Variants in RFX7 observed in about 807,000 individuals in gnomAD.
RFX7 encodes the protein regulatory factor X7, also known as DNA-binding protein RFX7.
A neutral mutation model predicts 111.8 loss-of-function variants in RFX7; 26 were observed. The observed-to-expected ratio is 0.23, with a 90% confidence interval of 0.17 to 0.32. The LOEUF (loss-of-function observed/expected upper bound fraction) is 0.32, where lower values mean the gene tolerates loss of function less well. RFX7 is among the 10% of genes least tolerant of loss of function. The pLI is 1.00. For missense variants in RFX7, 1,573 were observed against 1,772.9 expected (o/e 0.89, Z 2.02); for synonymous variants, 624 against 624.4 (o/e 1.00, Z 0.01).
intron 2 of RFX7, among the ~76,000 whole-genome samples, chr15:56,224,144 CATTCACATTAAA>C (rs1307229047): frequency 6.6e-6 from 1 of 151,810 alleles, no homozygotes; most frequent in Non-Finnish European, 1.5e-5. Flanking sequence ...AAGTTGAAGG[CATTCACATTAAA>C]ATTTTTGTAA....
At chr15:56,164,230 G>C (rs2042757636) in intron 3 of RFX7, among the ~76,000 whole-genome samples, 1 of 152,142 alleles carries the variant, frequency 6.6e-6, no homozygotes, top group Admixed American at 6.5e-5. Flanking sequence ...ATCAGTGTGG[G>C]CCAAACAAAA....
chr15:56,174,545 G>A (rs1306104963), intron 3 of RFX7, among the ~76,000 whole-genome samples: 5 of 152,060 alleles, frequency 3.3e-5, no homozygotes, highest in South Asian at 4.2e-4. Flanking sequence ...TCAAGAGATC[G>A]AGACCATCCT....
Position 56,093,508 on chromosome 15 carries a change from T to C in RFX7, c.4220A>G (p.Asp1407Gly). Residue 1407 changes from aspartate to glycine, a missense_variant, in exon 10 of 10, where the codon GAT becomes GGT. Transcript: ENST00000559447. The part of the protein sequence containing the change: ...LNTLDPNLLF[D>G]PGRQQGQDDE... ...ATCTTGTCCCTGCTGACGACCTGGA[T>C]CAAACAGTAGATTTGGGTCTAAAGT... is the stretch of plus-strand genomic sequence containing the variant. The C allele has an allele frequency of 6.2e-7, 1 of 1,613,908 alleles. No homozygotes were observed. Among genetic ancestry groups the C allele is most frequent in the East Asian group, 2.2e-5 (1 of 44,870 alleles).
chr15:56,190,611 A>T (rs2043090335), intron 2 of RFX7, among the ~76,000 whole-genome samples: 1 of 152,228 alleles, frequency 6.6e-6, no homozygotes, highest in African/African-American at 2.4e-5. Context: ...TTCTTAAAAA[A>T]ATATGATTCC....
rs549607507 is a variant in RFX7 at position 56,225,993 on chromosome 15, A to C, written c.161+17132T>G. On this transcript the variant is annotated intron_variant, in intron 2 of 9. Coordinates refer to ENST00000559447, the MANE Select transcript of RFX7 (RefSeq NM_022841.7). Reference sequence around the variant, plus strand: ...GGGAGAGGAAGTGGAAGACAGAGAAAAAATATAAAAAGAGGACGGGAAAAG... The same window carrying C: ...GGGAGAGGAAGTGGAAGACAGAGAACAAATATAAAAAGAGGACGGGAAAAG... 4.4e-4 allele frequency among the ~76,000 whole-genome samples: 67 copies of C among 152,240 alleles called. No individual in the cohort carries two copies. The South Asian group carries it at 0.013, about 30-fold the overall frequency.
rs570475324 is a variant in RFX7 at position 56,114,157 on chromosome 15, C to T, written c.402-10487G>A. Among the ~76,000 whole-genome samples the T allele has an allele frequency of 1.1e-4, 16 of 152,094 alleles. No individual in the cohort carries two copies. The South Asian group carries it at 1.5e-3, about 14-fold the overall frequency. Reference sequence around the variant, plus strand: ...TGGTGGCTCATGCCTGTATTCCTAGCGCTCTGGGAGGCCGAGGTGGGCGAC... The same window carrying T: ...TGGTGGCTCATGCCTGTATTCCTAGTGCTCTGGGAGGCCGAGGTGGGCGAC... On this transcript the variant is annotated intron_variant, in intron 5 of 9. Coordinates refer to ENST00000559447, the MANE Select transcript of RFX7 (RefSeq NM_022841.7).
At chr15:56,143,464 A>G (rs1466966808) in intron 4 of RFX7, among the ~76,000 whole-genome samples, 1 of 152,046 alleles carries the variant, frequency 6.6e-6, no homozygotes, top group Non-Finnish European at 1.5e-5. Context: ...CTGAACAGAC[A>G]AATCTCCCCC....
In RFX7 at chr15:56,088,354, A is replaced by G. The variant is rs545662870; in HGVS notation, c.*4991T>C. The G allele has an allele frequency of 6.5e-6, 1 of 153,072 alleles. No homozygotes were observed. The highest frequency in any genetic ancestry group is 6.5e-5 in the Admixed American group (1 of 15,316). 9.5% of individuals were successfully genotyped at this position (153,072 alleles called of 1,614,324 possible). Reference sequence around the variant, plus strand: ...ACCTGAAAAATAATACTCGCTAAAAATTGTTACAATGAGGACATGAGAATA... The same window carrying G: ...ACCTGAAAAATAATACTCGCTAAAAGTTGTTACAATGAGGACATGAGAATA... On this transcript the variant is annotated 3_prime_UTR_variant, in exon 10 of 10. Transcript: ENST00000559447.
chr15:56,101,661 A>C, intron 7 of RFX7, 95 bp from the exon 8 acceptor site: 1 of 1,151,522 alleles, frequency 8.7e-7, no homozygotes, highest in East Asian at 2.5e-5. Context: ...AGAAGATACA[A>C]TATAAATCTG....
At chr15:56,166,650 A>G (rs1376444006) in intron 3 of RFX7, among the ~76,000 whole-genome samples, 1 of 152,218 alleles carries the variant, frequency 6.6e-6, no homozygotes, top group Non-Finnish European at 1.5e-5. Context: ...CAGAGCAAAA[A>G]AATTTTGGAA....
intron 2 of RFX7, among the ~76,000 whole-genome samples, chr15:56,221,739 A>G (rs1183258588): frequency 9.9e-5 from 15 of 152,098 alleles, no homozygotes; most frequent in Admixed American, 8.5e-4. Flanking sequence ...TATATCCTTA[A>G]TCTATCACAG....
At chr15:56,238,561 A>G (rs574267944) in intron 2 of RFX7, among the ~76,000 whole-genome samples, 1 of 152,166 alleles carries the variant, frequency 6.6e-6, no homozygotes, top group African/African-American at 2.4e-5. Context: ...CTCTTTCCAT[A>G]AAGTGGGCAA....
intron 3 of RFX7, among the ~76,000 whole-genome samples, chr15:56,153,238 C>T (rs2042600261): frequency 6.6e-6 from 1 of 152,190 alleles, no homozygotes; most frequent in Admixed American, 6.5e-5. Flanking sequence ...GATACCAAAA[C>T]CTGGCAGAGA....
chr15:56,109,831 G>A (rs1216277511), intron 5 of RFX7, among the ~76,000 whole-genome samples: 1 of 152,042 alleles, frequency 6.6e-6, no homozygotes, highest in East Asian at 2.0e-4. Context: ...TCTGAGAAGT[G>A]AGGAGCCCCT....
At position 56,090,270 on chromosome 15, in the gene RFX7, T is replaced by C. The variant is rs1029025310; in HGVS notation, c.*3075A>G. 2 of 152,204 alleles carry C rather than the reference T, an allele frequency of 1.3e-5. No homozygotes were observed. Among genetic ancestry groups the C allele is most frequent in the African/African-American group, 4.8e-5 (2 of 41,460 alleles). The allele number at this position is 152,204 out of a possible 1,614,324, so 9.4% of individuals were successfully genotyped here. ...ACTATGTGAAAGAGAAAAAGATGGC[T>C]TTTTGGACAACATAAAGTTCTATGC... On this transcript the variant is annotated 3_prime_UTR_variant, in exon 10 of 10. Coordinates refer to ENST00000559447, the MANE Select transcript of RFX7 (RefSeq NM_022841.7).
intron 3 of RFX7, among the ~76,000 whole-genome samples, chr15:56,158,326 A>T (rs1304504103): frequency 6.6e-6 from 1 of 152,154 alleles, no homozygotes; most frequent in African/African-American, 2.4e-5. Flanking sequence ...AATGCTCATA[A>T]TTTTTGTGAT....
intron 3 of RFX7, among the ~76,000 whole-genome samples, chr15:56,176,972 C>T (rs1282541515): frequency 2.0e-5 from 3 of 151,840 alleles, no homozygotes; most frequent in African/African-American, 7.3e-5. Context: ...CTATTCTCTG[C>T]ATAAAATCCT....
chr15:56,110,150 GC>G lies in RFX7; in HGVS notation c.402-6481del, dbSNP rs1464783797. 7.6e-5 allele frequency among the ~76,000 whole-genome samples: 10 copies of G among 131,526 alleles called. 1 individual carries two copies. In the South Asian group the frequency reaches 2.5e-3, roughly 33 times the overall value. 86.3% of individuals were successfully genotyped at this position (131,526 alleles called of 152,430 possible). Reference sequence around the variant, plus strand: ...GTCCGGGAGGGAGGTGGGGGGGTCAGCCCCCCGCCTGGCCAGCCGCCCCGTC... The same window carrying G: ...GTCCGGGAGGGAGGTGGGGGGGTCAGCCCCCGCCTGGCCAGCCGCCCCGTC... On this transcript the variant is annotated intron_variant, in intron 5 of 9. Transcript: ENST00000559447.
intron 2 of RFX7, among the ~76,000 whole-genome samples, chr15:56,208,097 AT>A (rs1367549743): frequency 6.6e-6 from 1 of 152,228 alleles, no homozygotes; most frequent in Non-Finnish European, 1.5e-5. Flanking sequence ...CCCAGTGAAT[AT>A]TTAAGAAAAA....
Sources: gnomAD v4.1 joint callset for allele counts (sites outside exome capture counted in the v4.1 genomes callset) on GRCh38, gnomAD v4.1.1 for gene constraint, MANE v1.5 for transcripts, NCBI Gene and HGNC (gene_info 2026-07-23, HGNC 2026-07-21) for gene names.